The following NEBL variants were observed in gnomAD, a reference collection of about 807,000 sequenced individuals.
NEBL encodes the protein nebulette, also known as LIM and SH3 protein 2.
NEBL carries 122 observed loss-of-function variants against 140.2 expected under a neutral mutation model. That is an observed-to-expected ratio of 0.87 (90% CI 0.75 to 1.01). NEBL has a LOEUF of 1.01. Among genes scored for constraint, NEBL ranks in the 50% least tolerant of loss-of-function variants. The probability of loss-of-function intolerance (pLI) is 0.00; values close to 1 mark genes in which losing one functional copy is unlikely to be tolerated. For synonymous variants in NEBL, 436 were observed against 398.9 expected, an observed-to-expected ratio of 1.09 and a Z score of -1.11; for missense variants, 1,365 against 1,231.3, an observed-to-expected ratio of 1.11 and a Z score of -1.62.
chr10:21,071,331 AC>A (rs1385564449), intron 2 of NEBL, among the ~76,000 whole-genome samples: 1 of 151,842 alleles, frequency 6.6e-6, no homozygotes, highest in African/African-American at 2.4e-5. Flanking sequence ...CACCCACAAA[AC>A]CCAAAAATGA....
At chr10:21,230,937 C>T (rs1842241338) in intron 3 of NEBL, among the ~76,000 whole-genome samples, 1 of 152,100 alleles carries the variant, frequency 6.6e-6, no homozygotes, top group Non-Finnish European at 1.5e-5. Context: ...AAGGAACCCC[C>T]ATGCCAGTCC....
chr10:20,792,329 A>C (rs1436406320), intron 26 of NEBL, among the ~76,000 whole-genome samples: 3 of 152,208 alleles, frequency 2.0e-5, no homozygotes, highest in Non-Finnish European at 4.4e-5. Flanking sequence ...ATTTTCTAAC[A>C]CTTGACTACT....
At chr10:20,853,259 A>G (rs1238061825) in intron 9 of NEBL, among the ~76,000 whole-genome samples, 1 of 152,166 alleles carries the variant, frequency 6.6e-6, no homozygotes, top group Non-Finnish European at 1.5e-5. Context: ...TTTAAGGTGA[A>G]AAAATTGGAT....
chr10:20,936,706 T>C (rs1438362773), intron 4 of NEBL, among the ~76,000 whole-genome samples: 3 of 152,210 alleles, frequency 2.0e-5, no homozygotes, highest in Non-Finnish European at 4.4e-5. Flanking sequence ...GTTTTCTGTG[T>C]TTCAATTTTC....
intron 3 of NEBL, among the ~76,000 whole-genome samples, chr10:21,227,761 TCTTCTTCTTTCTG>T (rs1842187326): frequency 2.0e-5 from 3 of 149,512 alleles, no homozygotes; most frequent in South Asian, 2.1e-4. Flanking sequence ...TTCTTCTTCT[TCTTCTTCTTTCTG>T]CTTCTTCTTT....
chr10:20,850,502 C>A lies in NEBL; in HGVS notation c.1009G>T (p.Val337Leu), dbSNP rs763750199. The change falls in exon 11 of 28, where the codon GTG becomes TTG. Residue 337 changes from valine (V) to leucine (L), a missense_variant and splice_region_variant. Around this residue, in one of 2 missense-constraint regions of NEBL, gnomAD observed 1,323 missense variants for 1,154.8 expected, o/e 1.15. Transcript: ENST00000377122. ...HKGNAVLQSQ[V>L]KYKEEYEKNK... is the part of the protein sequence containing the mutation. ...TTCTCATATTCTTCTTTATATTTCA[C>A]CTTCATTGGAAAAAGAAAAGCATAT... 6.3e-7 allele frequency: 1 copy of A among 1,575,976 alleles called. No homozygotes were observed. The highest frequency in any genetic ancestry group is 8.7e-7 in the Non-Finnish European group (1 of 1,146,026).
chr10:21,222,462 G>T (rs868057480), intron 3 of NEBL, among the ~76,000 whole-genome samples: 1 of 151,946 alleles, frequency 6.6e-6, no homozygotes, highest in Non-Finnish European at 1.5e-5. Context: ...TGTGTTTTTG[G>T]TGTTATTGTT....
chr10:21,087,194 C>T (rs1410124178), intron 2 of NEBL, among the ~76,000 whole-genome samples: 3 of 152,172 alleles, frequency 2.0e-5, no homozygotes, highest in Non-Finnish European at 4.4e-5. Flanking sequence ...CCCAGACCCC[C>T]CACCAATGAT....
chr10:21,086,600 A>G (rs911971806), intron 2 of NEBL, among the ~76,000 whole-genome samples: 2 of 152,128 alleles, frequency 1.3e-5, no homozygotes, highest in Non-Finnish European at 2.9e-5. Flanking sequence ...CAACATGGTG[A>G]AACCCTATCT....
At chr10:21,088,690 A>T (rs1295582056) in intron 2 of NEBL, among the ~76,000 whole-genome samples, 1 of 152,216 alleles carries the variant, frequency 6.6e-6, no homozygotes, top group Non-Finnish European at 1.5e-5. Flanking sequence ...ACACATTAGC[A>T]GCAAAGAATA....
intron 4 of NEBL, among the ~76,000 whole-genome samples, chr10:20,914,581 T>C (rs944742008): frequency 6.6e-6 from 1 of 152,344 alleles, no homozygotes; most frequent in Non-Finnish European, 1.5e-5. Flanking sequence ...GGTTTTCTAA[T>C]TCCTCAAGTC....
intron 14 of NEBL, among the ~76,000 whole-genome samples, chr10:20,831,999 G>T (rs1402001715): frequency 6.6e-6 from 1 of 151,944 alleles, no homozygotes; most frequent in Non-Finnish European, 1.5e-5. Context: ...CCCCTTCATT[G>T]GCTCCCTAAT....
intron 3 of NEBL, among the ~76,000 whole-genome samples, chr10:21,196,313 T>TTATATTTA (rs1554832542): frequency 1.4e-5 from 2 of 140,588 alleles, no homozygotes; most frequent in African/African-American, 2.6e-5. Flanking sequence ...ATATTTTTAT[T>TTATATTTA]TTTATTTATT....
intron 2 of NEBL, among the ~76,000 whole-genome samples, chr10:21,062,241 A>C (rs1384050274): frequency 6.6e-6 from 1 of 152,174 alleles, no homozygotes; most frequent in Non-Finnish European, 1.5e-5. Flanking sequence ...CTCTTTCACA[A>C]CTCACACATC....
chr10:21,050,674 T>A (rs1589175940), intron 2 of NEBL, among the ~76,000 whole-genome samples: 1 of 152,222 alleles, frequency 6.6e-6, no homozygotes, highest in Non-Finnish European at 1.5e-5. Context: ...TGGTGGCATC[T>A]GACAGGTGTT....
intron 4 of NEBL, among the ~76,000 whole-genome samples, chr10:20,916,419 G>A (rs1433509441): frequency 6.6e-6 from 1 of 152,286 alleles, no homozygotes; most frequent in African/African-American, 2.4e-5. Flanking sequence ...TTTGTTTCTT[G>A]GGAAAGGGTC....
At chr10:20,995,740 G>C (rs1202590535) in intron 3 of NEBL, among the ~76,000 whole-genome samples, 1 of 152,222 alleles carries the variant, frequency 6.6e-6, no homozygotes, top group East Asian at 1.9e-4. Context: ...TTCTTGAGCA[G>C]TTTTCACACA....
At position 21,139,987 on chromosome 10, in the gene NEBL, C is replaced by CAAAAAA. The variant is rs11289396; in HGVS notation, c.164+32390_164+32395dup. Among the ~76,000 whole-genome samples, 16 of 99,608 alleles carry CAAAAAA rather than the reference C, an allele frequency of 1.6e-4. 1 individual carries two copies. Among genetic ancestry groups the CAAAAAA allele is most frequent in the African/African-American group, 3.7e-4 (11 of 29,962 alleles). The allele number at this position is 99,608 out of a possible 152,430, so 65.3% of individuals were successfully genotyped here. A position where few individuals can be genotyped will look rare whatever the true frequency, so the allele number is the denominator to read the frequency against. On this transcript the variant is annotated intron_variant, in intron 2 of 6. Transcript: ENST00000417816. ...CCAACATGTTGAAACCCTGTCTCAA[C>CAAAAAA]AAAAAAAAAAAAAAAAAAAATACAA...
At chr10:21,214,503 C>CAT (rs1564543781) in intron 3 of NEBL, among the ~76,000 whole-genome samples, 1 of 151,368 alleles carries the variant, frequency 6.6e-6, no homozygotes, top group African/African-American at 2.4e-5. Flanking sequence ...TACACACATG[C>CAT]ACACACATGC....
Sources: allele counts gnomAD v4.1 joint callset (sites outside exome capture counted in the v4.1 genomes callset), GRCh38; gene constraint gnomAD v4.1.1; regional missense constraint gnomAD v4.1.1; transcripts MANE v1.5; gene names NCBI Gene and HGNC (gene_info 2026-07-23, HGNC 2026-07-21).